RAB3GAP1: variants seen among roughly 807,000 people sequenced by gnomAD.
RAB3GAP1 encodes RAB3 GTPase activating protein catalytic subunit 1, also known as rab3 GTPase-activating protein catalytic subunit.
A neutral mutation model predicts 130.7 loss-of-function variants in RAB3GAP1; 86 were observed. The ratio of observed to expected loss-of-function variants is 0.66; its 90% CI spans 0.55 to 0.79. The LOEUF (loss-of-function observed/expected upper bound fraction) is 0.79. Among genes scored for constraint, RAB3GAP1 ranks in the 30% least tolerant of loss-of-function variants. The pLI is 0.00. For missense variants in RAB3GAP1, 1,029 were observed against 1,169.4 expected (o/e 0.88, Z 1.75); for synonymous variants, 367 against 401.7 (o/e 0.91, Z 1.03).
intron 3 of RAB3GAP1, among the ~76,000 whole-genome samples, chr2:135,083,629 A>T (rs969289122): frequency 5.3e-5 from 8 of 150,848 alleles, no homozygotes; most frequent in African/African-American, 1.5e-4. Flanking sequence ...ATTAAAAAAA[A>T]ATTTTTTTTT....
intron 5 of RAB3GAP1, among the ~76,000 whole-genome samples, chr2:135,101,693 C>T (rs1486652209): frequency 6.6e-6 from 1 of 152,104 alleles, no homozygotes; most frequent in Non-Finnish European, 1.5e-5. Flanking sequence ...GATATGTGGG[C>T]ATGATCAATT....
chr2:135,160,674 CAAAAAA>C (rs59034119), intron 19 of RAB3GAP1, among the ~76,000 whole-genome samples: 1 of 33,870 alleles, frequency 3.0e-5, no homozygotes, highest in African/African-American at 7.8e-5. Flanking sequence ...GACCCTGTCT[CAAAAAA>C]AAAAAAAAAA....
At chr2:135,143,573 T>C (rs75970743) in intron 17 of RAB3GAP1, among the ~76,000 whole-genome samples, 1 of 151,004 alleles carries the variant, frequency 6.6e-6, no homozygotes, top group South Asian at 2.1e-4. Context: ...TTTTTTTTTT[T>C]TTGAGACGGA....
intron 3 of RAB3GAP1, among the ~76,000 whole-genome samples, chr2:135,060,991 A>C (rs1004480639): frequency 7.0e-6 from 1 of 143,452 alleles, no homozygotes; most frequent in Non-Finnish European, 1.5e-5. Flanking sequence ...AGTGTGAACC[A>C]CTGGGCCCAG....
chr2:135,113,965 G>A (rs894779135), intron 6 of RAB3GAP1, among the ~76,000 whole-genome samples: 9 of 152,100 alleles, frequency 5.9e-5, no homozygotes, highest in Admixed American at 5.9e-4. Flanking sequence ...GGCCAGGCTG[G>A]TCTTGAACTC....
chr2:135,137,601 A>C (rs553056021), intron 17 of RAB3GAP1, among the ~76,000 whole-genome samples: 18 of 152,346 alleles, frequency 1.2e-4, no homozygotes, highest in African/African-American at 3.8e-4. Flanking sequence ...ACAGTGGAAG[A>C]AATCACAACA....
intron 11 of RAB3GAP1, 106 bp downstream of exon 11, chr2:135,126,762 C>T: frequency 2.1e-6 from 2 of 967,446 alleles, no homozygotes; most frequent in East Asian, 2.4e-5. Context: ...TCAGTTAACA[C>T]CATGTAGGAA....
At chr2:135,124,383 C>A in intron 9 of RAB3GAP1, 137 bp downstream of exon 9, 1 of 957,854 alleles carries the variant, frequency 1.0e-6, no homozygotes, top group Non-Finnish European at 1.6e-6. Context: ...AGACGTACAC[C>A]TGGGCTGGGC....
intron 3 of RAB3GAP1, among the ~76,000 whole-genome samples, chr2:135,080,641 T>C (rs755483334): frequency 6.6e-6 from 1 of 152,224 alleles, no homozygotes; most frequent in African/African-American, 2.4e-5. Flanking sequence ...GGATTTCTTA[T>C]ATTTGATCTG....
At chr2:135,086,980 A>AGCGATTT (rs1405679721) in intron 3 of RAB3GAP1, among the ~76,000 whole-genome samples, 1 of 151,912 alleles carries the variant, frequency 6.6e-6, no homozygotes, top group Non-Finnish European at 1.5e-5. Flanking sequence ...CGTTTTCTTA[A>AGCGATTT]CTGTGTCTTT....
chr2:135,158,861 A>G (rs1444019522), intron 19 of RAB3GAP1, among the ~76,000 whole-genome samples: 7 of 152,250 alleles, frequency 4.6e-5, no homozygotes, highest in Non-Finnish European at 8.8e-5. Context: ...ACCACTTAAC[A>G]TGCCATTTGG....
At chr2:135,110,984 A>T (rs1690787755) in intron 5 of RAB3GAP1, among the ~76,000 whole-genome samples, 1 of 152,290 alleles carries the variant, frequency 6.6e-6, no homozygotes, top group Non-Finnish European at 1.5e-5. Flanking sequence ...TGAAAAAAAG[A>T]AAACTATTTT....
intron 7 of RAB3GAP1, among the ~76,000 whole-genome samples, chr2:135,117,705 G>GCTT (rs1691057335): frequency 2.6e-4 from 5 of 19,218 alleles, no homozygotes; most frequent in Non-Finnish European, 5.0e-4. Context: ...TGCTTCTTCT[G>GCTT]CTTCTGCTTC....
downstream of RAB3GAP1, among the ~76,000 whole-genome samples, chr2:135,171,267 G>A (rs78627589): frequency 6.6e-6 from 1 of 152,214 alleles, no homozygotes; most frequent in African/African-American, 2.4e-5. Context: ...GGGGGAAGCC[G>A]CAGCTACAAG....
chr2:135,091,094 T>G lies in RAB3GAP1; in HGVS notation c.247T>G (p.Ser83Ala), dbSNP rs202184859. 1.3e-6 allele frequency: 2 copies of G among 1,599,982 alleles called. No homozygotes were observed. Among genetic ancestry groups the G allele is most frequent in the African/African-American group, 1.3e-5 (1 of 74,632 alleles). The change falls in exon 4 of 24, where the codon TCC (serine) becomes GCC (alanine). Residue 83 changes from serine (S) to alanine (A), a missense_variant. This residue lies in a region of RAB3GAP1 where 510 missense variants were observed against 532.1 expected (regional missense o/e 0.96). Coordinates refer to ENST00000264158, the MANE Select transcript of RAB3GAP1 (RefSeq NM_012233.3). ...CACTCATCATTATCTTGTACAAGAG[T>G]CCACTGATAAAGAAGGAAAGGATGA... ...SVTHHYLVQESTDKEGKDELL... is the reference protein window; with the variant it reads ...SVTHHYLVQEATDKEGKDELL...
chr2:135,127,746 T>C (rs770823839), intron 11 of RAB3GAP1, among the ~76,000 whole-genome samples: 3 of 152,204 alleles, frequency 2.0e-5, no homozygotes, highest in Non-Finnish European at 4.4e-5. Context: ...AATAATCTTA[T>C]ACACCTCACA....
intron 2 of RAB3GAP1, among the ~76,000 whole-genome samples, chr2:135,053,064 T>G (rs1688923624): frequency 6.6e-6 from 1 of 152,228 alleles, no homozygotes; most frequent in South Asian, 2.1e-4. Flanking sequence ...AGGTCATAGC[T>G]TACTGCGGCC....
rs62170257 is a variant in RAB3GAP1 at position 135,164,720 on chromosome 2, C to A, written c.2709+24C>A. On this transcript the variant is annotated intron_variant, in intron 23 of 23. Transcript: ENST00000264158. ...GGGTATGTGAGAGTCATTATTGACT[C>A]CATCATAATCTCTCCAAACCTCTAC... 52,330 of 1,543,302 alleles carry A rather than the reference C, an allele frequency of 0.034. 1,122 individuals are homozygous for A. Among genetic ancestry groups the A allele is most frequent in the African/African-American group, 0.056 (4,147 of 73,442 alleles).
At chr2:135,148,377 G>C (rs1047951346) in intron 17 of RAB3GAP1, among the ~76,000 whole-genome samples, 3 of 151,878 alleles carry the variant, frequency 2.0e-5, no homozygotes, top group Non-Finnish European at 2.9e-5. Context: ...GTAGACTTAG[G>C]TCACAACATA....
Sources: gnomAD v4.1 joint callset for allele counts (sites outside exome capture counted in the v4.1 genomes callset) on GRCh38, gnomAD v4.1.1 for gene constraint, gnomAD v4.1.1 regional missense constraint, MANE v1.5 for transcripts, NCBI Gene and HGNC (gene_info 2026-07-23, HGNC 2026-07-21) for gene names.